CDH18: variants seen among roughly 807,000 people sequenced by gnomAD.
CDH18 encodes the protein cadherin-18.
Under a neutral mutation model 67.9 loss-of-function variants are expected in CDH18, and 31 were observed. The ratio of observed to expected loss-of-function variants is 0.46; its 90% CI spans 0.34 to 0.62. The LOEUF is 0.62. CDH18 is among the 20% of genes least tolerant of loss of function. The probability of loss-of-function intolerance (pLI) is 0.01; values close to 1 mark genes in which losing one functional copy is unlikely to be tolerated. For synonymous variants in CDH18, 362 were observed against 347.2 expected, an observed-to-expected ratio of 1.04 and a Z score of -0.48; for missense variants, 890 against 975.5, an observed-to-expected ratio of 0.91 and a Z score of 1.17.
In CDH18 at chr5:20,305,153, T is replaced by G. The variant is rs918861676; in HGVS notation, c.-579-49648A>C. On this transcript the variant is annotated intron_variant, in intron 1 of 14. Transcript: ENST00000507958. ...GGCTCTGCCACTGCCTTTGCACTGG[T>G]GAAGGGAGGGGCGCTGGTTATGTTG... The G allele has an allele frequency of 1.3e-5, 19 of 1,455,740 alleles. No individual in the cohort carries two copies. The African/African-American group carries it at 2.7e-4, about 20-fold the overall frequency. 90.2% of individuals were successfully genotyped at this position (1,455,740 alleles called of 1,614,324 possible).
chr5:19,659,167 T>G (rs1169939145), intron 5 of CDH18, among the ~76,000 whole-genome samples: 2 of 152,158 alleles, frequency 1.3e-5, no homozygotes, highest in Non-Finnish European at 2.9e-5. Context: ...GTCGTTTATA[T>G]TTATAAGTCA....
intron 3 of CDH18, among the ~76,000 whole-genome samples, chr5:19,819,143 T>G (rs1249389950): frequency 6.6e-6 from 1 of 151,854 alleles, no homozygotes; most frequent in Non-Finnish European, 1.5e-5. Context: ...AATCATGGCT[T>G]TAGCCACATG....
Position 20,381,413 on chromosome 5 carries a change from G to A in CDH18, c.-579-125908C>T, listed in dbSNP as rs558671210. On this transcript the variant is annotated intron_variant, in intron 1 of 14. Coordinates refer to the CDH18 transcript ENST00000507958. ...ATATTTTGGAGGGGGTGGGAGCAGA[G>A]GATAGAAAGATGGAAGGGTCATTGC... Among the ~76,000 whole-genome samples the A allele has an allele frequency of 2.0e-5, 3 of 152,132 alleles. No homozygotes were observed. The East Asian group carries it at 5.8e-4, about 29-fold the overall frequency.
intron 2 of CDH18, among the ~76,000 whole-genome samples, chr5:19,874,279 C>A (rs1786686705): frequency 6.6e-6 from 1 of 152,162 alleles, no homozygotes; most frequent in African/African-American, 2.4e-5. Flanking sequence ...CACATCACTG[C>A]AGTCTACATA....
intron 2 of CDH18, among the ~76,000 whole-genome samples, chr5:20,073,362 T>C (rs573986032): frequency 6.6e-6 from 1 of 152,110 alleles, no homozygotes; most frequent in East Asian, 1.9e-4. Context: ...TGCCTACCAA[T>C]AAAGTTCTCA....
At chr5:19,732,315 G>T (rs917969673) in intron 4 of CDH18, among the ~76,000 whole-genome samples, 18 of 151,906 alleles carry the variant, frequency 1.2e-4, no homozygotes, top group Admixed American at 1.2e-3. Flanking sequence ...TTATACAGAT[G>T]TTGTGGCACA....
chr5:19,810,084 C>T (rs1189826955), intron 3 of CDH18, among the ~76,000 whole-genome samples: 2 of 152,170 alleles, frequency 1.3e-5, no homozygotes, highest in Non-Finnish European at 2.9e-5. Flanking sequence ...AATCCCAGCA[C>T]TTTGGGATGC....
At chr5:20,255,114 G>C (rs1744133540) in intron 2 of CDH18, among the ~76,000 whole-genome samples, 1 of 152,048 alleles carries the variant, frequency 6.6e-6, no homozygotes, top group African/African-American at 2.4e-5. Context: ...CAAAAGACAT[G>C]GAAGACCACT....
chr5:20,418,625 T>A (rs1337261649), intron 1 of CDH18, among the ~76,000 whole-genome samples: 4 of 144,598 alleles, frequency 2.8e-5, no homozygotes, highest in Non-Finnish European at 1.5e-5. Flanking sequence ...AAAAACCCAA[T>A]GGATATATTT....
At chr5:19,832,494 CT>C (rs1360861427) in intron 3 of CDH18, among the ~76,000 whole-genome samples, 6 of 152,010 alleles carry the variant, frequency 3.9e-5, no homozygotes, top group Non-Finnish European at 8.8e-5. Context: ...TACTTCTCAG[CT>C]TTTTGGAGTT....
chr5:19,540,058 G>A (rs1245198462), intron 9 of CDH18, among the ~76,000 whole-genome samples: 1 of 152,022 alleles, frequency 6.6e-6, no homozygotes, highest in African/African-American at 2.4e-5. Context: ...TTATGAGCCT[G>A]GAAAATCAAA....
intron 3 of CDH18, among the ~76,000 whole-genome samples, chr5:19,823,703 A>T (rs1039709211): frequency 6.6e-6 from 1 of 152,198 alleles, no homozygotes; most frequent in Non-Finnish European, 1.5e-5. Context: ...TTCTGAACAT[A>T]AATTTGACAC....
chr5:20,228,050 T>C (rs1741775679), intron 2 of CDH18, among the ~76,000 whole-genome samples: 1 of 152,168 alleles, frequency 6.6e-6, no homozygotes. Flanking sequence ...TGTGTTTCTT[T>C]ACTTTTCTAT....
intron 2 of CDH18, among the ~76,000 whole-genome samples, chr5:19,908,734 G>C (rs1579538556): frequency 6.6e-6 from 1 of 152,262 alleles, no homozygotes; most frequent in East Asian, 1.9e-4. Context: ...TTGCTTCCAA[G>C]TAAGCAGTGG....
intron 4 of CDH18, among the ~76,000 whole-genome samples, chr5:19,733,906 T>C (rs1339993690): frequency 1.3e-5 from 2 of 152,176 alleles, no homozygotes; most frequent in Non-Finnish European, 2.9e-5. Flanking sequence ...TGCTCATGTG[T>C]TGATGCTCAA....
intron 1 of CDH18, among the ~76,000 whole-genome samples, chr5:20,563,552 AT>A (rs556382174): frequency 6.1e-4 from 92 of 152,040 alleles, no homozygotes; most frequent in Middle Eastern, 3.4e-3. Flanking sequence ...TTAAATGTCA[AT>A]TTTTTTTATT....
chr5:20,036,158 T>C (rs1221935786), intron 2 of CDH18, among the ~76,000 whole-genome samples: 1 of 152,032 alleles, frequency 6.6e-6, no homozygotes, highest in Non-Finnish European at 1.5e-5. Context: ...CATGACAATT[T>C]ACAGAAAGTG....
chr5:19,865,316 C>T (rs1236156068), intron 2 of CDH18, among the ~76,000 whole-genome samples: 1 of 152,078 alleles, frequency 6.6e-6, no homozygotes, highest in Non-Finnish European at 1.5e-5. Context: ...TCCTTCCTTT[C>T]TCTTTCAACT....
At chr5:19,767,654 A>C (rs1040596475) in intron 3 of CDH18, among the ~76,000 whole-genome samples, 1 of 152,116 alleles carries the variant, frequency 6.6e-6, no homozygotes, top group Non-Finnish European at 1.5e-5. Flanking sequence ...GGACACAATT[A>C]AAATAAAAAC....
Sources: gnomAD v4.1 joint callset for allele counts (sites outside exome capture counted in the v4.1 genomes callset) on GRCh38, gnomAD v4.1.1 for gene constraint, MANE v1.5 for transcripts, NCBI Gene and HGNC (gene_info 2026-07-23, HGNC 2026-07-21) for gene names.